Variants in PIGG observed in about 807,000 individuals in gnomAD.
PIGG encodes the protein GPI ethanolamine phosphate transferase 2, catalytic subunit.
PIGG carries 70 observed loss-of-function variants against 83.2 expected under a neutral mutation model. The ratio of observed to expected loss-of-function variants is 0.84; its 90% CI spans 0.69 to 1.03. The LOEUF is 1.03. Ranked by LOEUF, PIGG falls within the 50% of genes least tolerant of loss-of-function variation. The probability of loss-of-function intolerance (pLI) is 0.00; values close to 1 mark genes in which losing one functional copy is unlikely to be tolerated. For missense variants in PIGG, 1,257 were observed against 1,233.6 expected (o/e 1.02, Z -0.28); for synonymous variants, 532 against 519.5 (o/e 1.02, Z -0.33).
At chr4:523,377 G>C in intron 8 of PIGG, 82 bp from the exon 9 acceptor site, 1 of 1,014,784 alleles carries the variant, frequency 9.9e-7, no homozygotes, top group Non-Finnish European at 1.5e-6. Context: ...GGCATTCTCT[G>C]CTGTGAGCAA....
chr4:514,043 G>C (rs1187336380), intron 5 of PIGG, among the ~76,000 whole-genome samples: 1 of 152,148 alleles, frequency 6.6e-6, no homozygotes, highest in Non-Finnish European at 1.5e-5. Flanking sequence ...TATCAATCCA[G>C]GTCAAAGCAT....
At chr4:523,421 C>T in intron 8 of PIGG, 38 bp from the exon 9 acceptor site, 14 of 1,427,860 alleles carry the variant, frequency 9.8e-6, no homozygotes, top group Non-Finnish European at 1.4e-5. Flanking sequence ...GTGTCGTTAT[C>T]AGACCGTCTC....
chr4:500,541 A>G lies in PIGG; in HGVS notation c.300A>G (p.Gly100=), dbSNP rs782586883. 1 of 1,613,708 alleles carries G rather than the reference A, an allele frequency of 6.2e-7. No individual in the cohort carries two copies. The highest frequency in any genetic ancestry group is 8.5e-7 in the Non-Finnish European group (1 of 1,179,588). Reference sequence around the variant, plus strand: ...ACACAACTTACCTTGTGGAAAAAGGAGCATCTCACAGTTTTGTGGCTGAAG... The same window carrying G: ...ACACAACTTACCTTGTGGAAAAAGGGGCATCTCACAGTTTTGTGGCTGAAG... The part of the protein sequence containing the change: ...MPYTTYLVEK[G]ASHSFVAEAK... The change falls in exon 2 of 13, where the codon GGA becomes GGG. Residue 100 remains glycine, a synonymous_variant. Transcript: ENST00000453061.
chr4:528,464 G>A lies in PIGG; in HGVS notation c.2261+1234G>A, dbSNP rs1278248873. 1.0e-6 allele frequency: 1 copy of A among 985,272 alleles called. No homozygotes were observed. Among genetic ancestry groups the A allele is most frequent in the African/African-American group, 1.7e-5 (1 of 57,224 alleles). 61.0% of individuals were successfully genotyped at this position (985,272 alleles called of 1,614,324 possible). On this transcript the variant is annotated intron_variant, in intron 10 of 12. Coordinates refer to ENST00000453061, the MANE Select transcript of PIGG (RefSeq NM_001127178.3). This position sits in a 1 kb window ranked among gnomAD's most constrained non-coding sequence, Gnocchi z 4.8. Reference sequence around the variant, plus strand: ...GGGGGCACCCCTGGAAGTACTTCCTGGCTGAGTGGGGAGTAAGGGGTGGGA... The same window carrying A: ...GGGGGCACCCCTGGAAGTACTTCCTAGCTGAGTGGGGAGTAAGGGGTGGGA...
rs183055831 is a variant in PIGG at position 537,715 on chromosome 4, C to T, written c.2736-1438C>T. On this transcript the variant is annotated intron_variant, in intron 12 of 12. Transcript: ENST00000453061. ...GAGATCCCAGGGTCTGAGTATTTTA[C>T]TGGAGCACATGGCGGGCTGAGGTGA... Among the ~76,000 whole-genome samples, 7 of 152,256 alleles carry T rather than the reference C, an allele frequency of 4.6e-5. No individual in the cohort carries two copies. In the East Asian group the frequency reaches 1.4e-3, roughly 29 times the overall value.
At chr4:527,317 G>A (rs1348275366) in intron 10 of PIGG, 87 bp downstream of exon 10, 14 of 1,448,288 alleles carry the variant, frequency 9.7e-6, no homozygotes, top group African/African-American at 1.4e-5. Flanking sequence ...CCACTTCACT[G>A]TTTGATGAAC....
chr4:507,278 T>C, intron 3 of PIGG, 127 bp from the exon 4 acceptor site: 1 of 721,762 alleles, frequency 1.4e-6, no homozygotes, highest in East Asian at 2.6e-5. Flanking sequence ...TTGTTGTGTT[T>C]CAACTCCCCC....
Position 500,427 on chromosome 4 carries a change from A to G in PIGG, c.186A>G (p.Pro62=). The G allele has an allele frequency of 6.2e-7, 1 of 1,613,716 alleles. No individual in the cohort carries two copies. The highest frequency in any genetic ancestry group is 8.5e-7 in the Non-Finnish European group (1 of 1,179,836). Residue 62 remains proline, a synonymous_variant, in exon 2 of 13, where the codon CCA becomes CCG. Coordinates refer to ENST00000453061, the MANE Select transcript of PIGG (RefSeq NM_001127178.3). The part of the protein sequence containing the change: ...GASSNWTTLP[P]PLFSKVVIVL... ...GTTCTAACTGGACCACGCTGCCACC[A>G]CCTCTCTTCAGTAAAGTTGTTATTG... is the stretch of plus-strand genomic sequence containing the variant.
In PIGG at chr4:539,287, A is replaced by G. The variant is rs199531108; in HGVS notation, c.2870A>G (p.Tyr957Cys). ...AGTGTATTTTCTCCAAAACTTCTCTACGAGGGAATGCACCTGCTCATTACA... is the reference window on the plus strand; with the variant it reads ...AGTGTATTTTCTCCAAAACTTCTCTGCGAGGGAATGCACCTGCTCATTACA... ...IWSVFSPKLL[Y>C]EGMHLLITAA... is the part of the protein sequence containing the mutation. The change falls in exon 13 of 13, where the codon TAC (tyrosine) becomes TGC (cysteine). Residue 957 changes from tyrosine to cysteine, a missense_variant. Transcript: ENST00000453061. 2 of 1,613,684 alleles carry G rather than the reference A, an allele frequency of 1.2e-6. No homozygotes were observed. The highest frequency in any genetic ancestry group is 2.2e-5 in the East Asian group (1 of 44,878).
Position 530,657 on chromosome 4 carries a change from C to T in PIGG, c.2483C>T (p.Thr828Ile). 1 of 1,613,538 alleles carries T rather than the reference C, an allele frequency of 6.2e-7. No homozygotes were observed. The highest frequency in any genetic ancestry group is 8.5e-7 in the Non-Finnish European group (1 of 1,179,492). ...AFSLLIQTLM[T>I]KFIWKPLRHD... ...AGCCTCTTGATTCAGACTCTAATGA[C>T]TAAATTCATCTGGAAGCCCCTGAGA... Residue 828 changes from threonine (T) to isoleucine (I), a missense_variant, in exon 11 of 13, where the codon ACT (threonine) becomes ATT (isoleucine). By Grantham distance (89) the Thr-to-Ile change is moderately conservative. Coordinates refer to ENST00000453061, the MANE Select transcript of PIGG (RefSeq NM_001127178.3).
At chr4:537,808 G>C (rs1181500587) in intron 12 of PIGG, among the ~76,000 whole-genome samples, 2 of 152,218 alleles carry the variant, frequency 1.3e-5, no homozygotes, top group Admixed American at 1.3e-4. Flanking sequence ...GCCGGTGGGG[G>C]GCTGAGGTGA....
chr4:512,421 T>TGG, intron 5 of PIGG, among the ~76,000 whole-genome samples: 1 of 152,030 alleles, frequency 6.6e-6, no homozygotes, highest in East Asian at 2.0e-4. Context: ...TTCACATTAT[T>TGG]GGCCAGGCCG....
At chr4:512,299 C>A (rs1314518717) in intron 5 of PIGG, among the ~76,000 whole-genome samples, 6 of 149,312 alleles carry the variant, frequency 4.0e-5, no homozygotes, top group Non-Finnish European at 7.4e-5. Flanking sequence ...GGCTCACTGC[C>A]ACCTCCGCCT....
Position 539,697 on chromosome 4 carries a change from GA to G in PIGG, c.*329del, listed in dbSNP as rs1731596400. On this transcript the variant is annotated 3_prime_UTR_variant, in exon 13 of 13. Coordinates refer to ENST00000453061, the MANE Select transcript of PIGG (RefSeq NM_001127178.3). ...GGAGCTCTGTGGGAGGAGGCACCCA[GA>G]TTACCTTAGGGAGCACAGAGCTCTT... 4.4e-6 allele frequency: 1 copy of G among 227,244 alleles called. No homozygotes were observed. 14.1% of individuals were successfully genotyped at this position (227,244 alleles called of 1,614,324 possible). A position where few individuals can be genotyped will look rare whatever the true frequency, so the allele number is the denominator to read the frequency against.
chr4:517,966 A>C (rs560772314), intron 6 of PIGG, among the ~76,000 whole-genome samples: 4 of 152,292 alleles, frequency 2.6e-5, no homozygotes, highest in Admixed American at 1.3e-4. Flanking sequence ...TCCCTACTTG[A>C]AGTAGAGGGA....
chr4:530,860 T>C (rs1728882892), intron 11 of PIGG, 115 bp downstream of exon 11: 2 of 718,786 alleles, frequency 2.8e-6, no homozygotes, highest in African/African-American at 3.6e-5. Flanking sequence ...TGTGGCATGG[T>C]GAATTACGCT....
intron 2 of PIGG, chr4:501,000 G>C (rs1553875528): frequency 2.5e-6 from 1 of 401,808 alleles, no homozygotes; most frequent in Admixed American, 3.2e-5. Context: ...ACTCAGATAA[G>C]TTAAATGTGA....
chr4:531,114 C>T (rs1475264299), intron 11 of PIGG: 3 of 205,192 alleles, frequency 1.5e-5, no homozygotes, highest in Non-Finnish European at 2.9e-5. Flanking sequence ...CACTGGGGAC[C>T]ATTGGTGCCC....
intron 1 of PIGG, chr4:499,715 A>G: frequency 2.2e-6 from 3 of 1,388,024 alleles, no homozygotes; most frequent in South Asian, 1.7e-5. Context: ...TTCCTTCCTG[A>G]TCACCACAAA....
Sources: allele counts gnomAD v4.1 joint callset (sites outside exome capture counted in the v4.1 genomes callset), GRCh38; gene constraint gnomAD v4.1.1; non-coding constraint Gnocchi (gnomAD v3.1); transcripts MANE v1.5; gene names NCBI Gene and HGNC (gene_info 2026-07-23, HGNC 2026-07-21).